The following ZNRF2 variants were observed in gnomAD, a reference collection of about 807,000 sequenced individuals.
The protein encoded by ZNRF2 is E3 ubiquitin-protein ligase ZNRF2.
ZNRF2 carries 16 observed loss-of-function variants against 20.4 expected under a neutral mutation model. The ratio of observed to expected loss-of-function variants is 0.79; its 90% CI spans 0.53 to 1.19. The LOEUF (loss-of-function observed/expected upper bound fraction) is 1.19, where lower values mean the gene tolerates loss of function less well. ZNRF2 is among the 50% of genes most tolerant of loss of function. The pLI is 0.00. For synonymous variants in ZNRF2, 178 were observed against 144.9 expected, an observed-to-expected ratio of 1.23 and a Z score of -1.64; for missense variants, 363 against 332.4, an observed-to-expected ratio of 1.09 and a Z score of -0.72.
At chr7:30,355,697 A>G (rs1800026174) in intron 2 of ZNRF2, 31 bp from the exon 3 acceptor site, 3 of 1,542,452 alleles carry the variant, frequency 1.9e-6, no homozygotes, top group South Asian at 2.3e-5. Flanking sequence ...GGATAATTTT[A>G]TTGTCCTGAA....
At chr7:30,354,424 G>C (rs1421387475) in intron 2 of ZNRF2, among the ~76,000 whole-genome samples, 1 of 151,930 alleles carries the variant, frequency 6.6e-6, no homozygotes, top group Non-Finnish European at 1.5e-5. Context: ...ATCATCTCCT[G>C]GTATCTTCTC....
intron 1 of ZNRF2, among the ~76,000 whole-genome samples, chr7:30,296,414 G>T (rs1367367779): frequency 6.6e-6 from 1 of 152,218 alleles, no homozygotes; most frequent in African/African-American, 2.4e-5. Context: ...AGGTAGGTCA[G>T]TGTTTTCATT....
At chr7:30,361,249 T>C (rs1286994248) in intron 3 of ZNRF2, among the ~76,000 whole-genome samples, 3 of 152,216 alleles carry the variant, frequency 2.0e-5, no homozygotes, top group African/African-American at 7.2e-5. Context: ...CTGAAAACAA[T>C]GTCTTAAGCC....
intron 1 of ZNRF2, among the ~76,000 whole-genome samples, chr7:30,295,050 A>AGAGAGAGAGG (rs1412764480): frequency 2.6e-5 from 1 of 38,238 alleles, no homozygotes; most frequent in Non-Finnish European, 4.8e-5. Flanking sequence ...AGAGAGAGAG[A>AGAGAGAGAGG]GTGTGTGTGT....
chr7:30,299,763 C>T (rs965034484), intron 1 of ZNRF2, among the ~76,000 whole-genome samples: 10 of 145,254 alleles, frequency 6.9e-5, no homozygotes, highest in African/African-American at 2.5e-4. Flanking sequence ...ATACTGTGTT[C>T]TTCTAAAACC....
chr7:30,336,953 T>C (rs1476051677), intron 2 of ZNRF2, among the ~76,000 whole-genome samples: 1 of 152,158 alleles, frequency 6.6e-6, no homozygotes, highest in African/African-American at 2.4e-5. Context: ...TCCCATAAAT[T>C]GAATTTGGTT....
chr7:30,317,442 A>G (rs958570884), intron 1 of ZNRF2, among the ~76,000 whole-genome samples: 15 of 152,224 alleles, frequency 9.9e-5, no homozygotes, highest in African/African-American at 3.4e-4. Context: ...GTGAGACTTG[A>G]TCTGGGCTTG....
chr7:30,364,862 C>A (rs1562624465), intron 4 of ZNRF2, among the ~76,000 whole-genome samples: 1 of 152,128 alleles, frequency 6.6e-6, no homozygotes, highest in Admixed American at 6.6e-5. Flanking sequence ...TTAGTGCTCA[C>A]AGTTCTGGAA....
At chr7:30,293,029 C>T (rs898754210) in intron 1 of ZNRF2, among the ~76,000 whole-genome samples, 12 of 152,108 alleles carry the variant, frequency 7.9e-5, no homozygotes, top group African/African-American at 2.4e-4. Flanking sequence ...ATAACAGTGG[C>T]TTGGACTGGG....
At chr7:30,291,761 A>G (rs193292009) in intron 1 of ZNRF2, among the ~76,000 whole-genome samples, 5 of 152,328 alleles carry the variant, frequency 3.3e-5, no homozygotes, top group African/African-American at 1.2e-4. Context: ...CAAAAAACTG[A>G]GAAATCAATT....
At chr7:30,364,751 C>G (rs988167699) in intron 4 of ZNRF2, among the ~76,000 whole-genome samples, 1 of 152,128 alleles carries the variant, frequency 6.6e-6, no homozygotes, top group African/African-American at 2.4e-5. Flanking sequence ...ACATCTAAAT[C>G]CTTCATCTAT....
At chr7:30,316,500 T>G in intron 1 of ZNRF2, among the ~76,000 whole-genome samples, 1 of 152,102 alleles carries the variant, frequency 6.6e-6, no homozygotes, top group East Asian at 1.9e-4. Flanking sequence ...AATTAGACAT[T>G]TAGCTATTTA....
intron 1 of ZNRF2, among the ~76,000 whole-genome samples, chr7:30,306,591 T>G (rs544250807): frequency 8.7e-4 from 133 of 152,260 alleles, no homozygotes; most frequent in Non-Finnish European, 1.8e-3. Context: ...ACTAAACCAC[T>G]GCTTTAGTTG....
At chr7:30,300,382 C>T (rs1023267199) in intron 1 of ZNRF2, among the ~76,000 whole-genome samples, 7 of 151,916 alleles carry the variant, frequency 4.6e-5, no homozygotes, top group Non-Finnish European at 1.0e-4. Flanking sequence ...CTCTTGACCT[C>T]GTGATCCACC....
At chr7:30,306,014 C>G (rs2128058853) in intron 1 of ZNRF2, among the ~76,000 whole-genome samples, 1 of 152,042 alleles carries the variant, frequency 6.6e-6, no homozygotes, top group South Asian at 2.1e-4. Context: ...GGGCTTTGGC[C>G]CAGTCATCTA....
Position 30,295,489 on chromosome 7 carries a change from C to T in ZNRF2, c.469+9663C>T, listed in dbSNP as rs112562528. Among the ~76,000 whole-genome samples the T allele has an allele frequency of 1.8e-4, 27 of 152,234 alleles. No homozygotes were observed. In the East Asian group the frequency reaches 4.8e-3, roughly 27 times the overall value. On this transcript the variant is annotated intron_variant, in intron 1 of 4. Coordinates refer to ENST00000323037, the MANE Select transcript of ZNRF2 (RefSeq NM_147128.4). Reference sequence around the variant, plus strand: ...ACTCTGGGAGACGGACGGGGGCGATCGCTTGAGCTCGGGAGTTCGAGGCCA... The same window carrying T: ...ACTCTGGGAGACGGACGGGGGCGATTGCTTGAGCTCGGGAGTTCGAGGCCA...
intron 2 of ZNRF2, among the ~76,000 whole-genome samples, chr7:30,335,872 G>A (rs1799709677): frequency 6.6e-6 from 1 of 152,074 alleles, no homozygotes; most frequent in African/African-American, 2.4e-5. Context: ...CCATGTTCAG[G>A]GTGTAGGTGA....
Position 30,285,181 on chromosome 7 carries a change from A to G in ZNRF2, c.-177A>G, listed in dbSNP as rs1439717332. The G allele has an allele frequency of 6.8e-6, 3 of 442,276 alleles. No individual in the cohort carries two copies. Among genetic ancestry groups the G allele is most frequent in the Non-Finnish European group, 1.2e-5 (3 of 254,312 alleles). 27.4% of individuals were successfully genotyped at this position (442,276 alleles called of 1,614,324 possible). The stretch of plus-strand genomic sequence containing the variant: ...GCCGTCGGCCTCGCCCGCCGCCCCA[A>G]GAAGAGCGCGCCGGGCGCCGACTGC... On this transcript the variant is annotated 5_prime_UTR_variant, in exon 1 of 5. Transcript: ENST00000323037.
At chr7:30,365,371 C>T (rs1007444417) in intron 4 of ZNRF2, among the ~76,000 whole-genome samples, 10 of 151,810 alleles carry the variant, frequency 6.6e-5, no homozygotes, top group Admixed American at 4.6e-4. Flanking sequence ...TGTTTGTTTT[C>T]GAATATAGAA....
Sources: gnomAD v4.1 joint callset for allele counts (sites outside exome capture counted in the v4.1 genomes callset) on GRCh38, gnomAD v4.1.1 for gene constraint, MANE v1.5 for transcripts, NCBI Gene and HGNC (gene_info 2026-07-23, HGNC 2026-07-21) for gene names.